Variants in CTBP1 observed in about 807,000 individuals in gnomAD.
CTBP1 encodes C-terminal-binding protein 1.
A neutral mutation model predicts 42.1 loss-of-function variants in CTBP1; 11 were observed. That is an observed-to-expected ratio of 0.26 (90% CI 0.16 to 0.43). The LOEUF is 0.43. Ranked by LOEUF, CTBP1 falls within the 20% of genes least tolerant of loss-of-function variation. The pLI, the probability that CTBP1 is intolerant of heterozygous loss-of-function variation, is 1.00. For synonymous variants in CTBP1, 324 were observed against 277.1 expected, an observed-to-expected ratio of 1.17 and a Z score of -1.68; for missense variants, 399 against 624.3, an observed-to-expected ratio of 0.64 and a Z score of 3.85.
chr4:1,232,071 T>C (rs1731021055), intron 3 of CTBP1, among the ~76,000 whole-genome samples: 1 of 152,264 alleles, frequency 6.6e-6, no homozygotes, highest in South Asian at 2.1e-4. Flanking sequence ...CATTTACTTA[T>C]TTTACAGACA....
At chr4:1,242,980 T>C in intron 1 of CTBP1, 2 of 985,020 alleles carry the variant, frequency 2.0e-6, no homozygotes, top group Non-Finnish European at 2.4e-6. Context: ...CGCCAACCGA[T>C]ACTCATCAAT....
chr4:1,244,317 G>A (rs891754295), intron 1 of CTBP1: 34 of 980,924 alleles, frequency 3.5e-5, no homozygotes, highest in Middle Eastern at 5.2e-4. Context: ...GCTGGGACCT[G>A]CCCCGATCCA....
At chr4:1,228,504 C>T (rs1278139406) in intron 3 of CTBP1, among the ~76,000 whole-genome samples, 161 bp from the exon 4 acceptor site, 2 of 152,240 alleles carry the variant, frequency 1.3e-5, no homozygotes, top group Admixed American at 6.5e-5. Context: ...AAGGCTTCCC[C>T]GCCACGCGCG....
In CTBP1 at chr4:1,222,221, G is replaced by A. The variant is rs147433166; in HGVS notation, c.514+3139C>T. ...AAGGGCGAGGGGCGGGGCGGGGGAC[G>A]GGACGCAGGTGTTCTGCAGTCAAGG... is the stretch of plus-strand genomic sequence containing the variant. On this transcript the variant is annotated intron_variant, in intron 5 of 9. Transcript: ENST00000382952. Among the ~76,000 whole-genome samples the A allele has an allele frequency of 6.1e-3, 933 of 152,132 alleles. 11 individuals are homozygous for A. The highest frequency in any genetic ancestry group is 0.02 in the African/African-American group (821 of 41,490).
intron 2 of CTBP1, 60 bp downstream of exon 2, chr4:1,241,265 A>C: frequency 1.3e-6 from 1 of 784,458 alleles, no homozygotes; most frequent in South Asian, 1.3e-5. Context: ...CCTCCTCCAC[A>C]CGGTCGCAAA....
At chr4:1,220,904 C>G (rs1000510397) in intron 5 of CTBP1, among the ~76,000 whole-genome samples, 4 of 152,184 alleles carry the variant, frequency 2.6e-5, no homozygotes, top group Non-Finnish European at 4.4e-5. Context: ...CCCGGATGAC[C>G]CTGGGGTAAA....
At position 1,243,259 on chromosome 4, in the gene CTBP1, G is replaced by T. The variant is rs559591175; in HGVS notation, c.-188-1740C>A. ...AGTACGTGCCCACACCTGTGTCTCT[G>T]AGGAAGAAGCAGATGTGTGAAGGCC... is the stretch of plus-strand genomic sequence containing the variant. On this transcript the variant is annotated intron_variant, in intron 1 of 9. Coordinates refer to ENST00000382952, the MANE Select transcript of CTBP1 (RefSeq NM_001012614.2). 866 of 985,412 alleles carry T rather than the reference G, an allele frequency of 8.8e-4. 33 individuals carry two copies. In the East Asian group the frequency reaches 0.068, roughly 78 times the overall value. 61.0% of individuals were successfully genotyped at this position (985,412 alleles called of 1,614,324 possible).
At chr4:1,236,985 C>G (rs557276158) in intron 3 of CTBP1, 3 of 672,492 alleles carry the variant, frequency 4.5e-6, no homozygotes, top group Non-Finnish European at 8.1e-6. Flanking sequence ...TCAGGAGAAA[C>G]CGAGCGTCCA....
chr4:1,248,978 G>A lies in CTBP1; in HGVS notation c.-251C>T, dbSNP rs1399409802. 18 of 986,514 alleles carry A rather than the reference G, an allele frequency of 1.8e-5. No homozygotes were observed. The highest frequency in any genetic ancestry group is 1.6e-4 in the South Asian group (4 of 25,000). The allele number at this position is 986,514 out of a possible 1,614,324, so 61.1% of individuals were successfully genotyped here. On this transcript the variant is annotated 5_prime_UTR_variant, in exon 1 of 10. Coordinates refer to ENST00000382952, the MANE Select transcript of CTBP1 (RefSeq NM_001012614.2). Reference sequence around the variant, plus strand: ...CATCGAGAGGCGCGAGCGGCCGCGGGCCCCGACCACTCCGGCGCGCTGCGC... The same window carrying A: ...CATCGAGAGGCGCGAGCGGCCGCGGACCCCGACCACTCCGGCGCGCTGCGC...
intron 3 of CTBP1, among the ~76,000 whole-genome samples, chr4:1,229,994 G>A (rs951043607): frequency 6.6e-6 from 1 of 152,172 alleles, no homozygotes; most frequent in Non-Finnish European, 1.5e-5. Flanking sequence ...AGGAGGCAGG[G>A]AGGCATCTAC....
At chr4:1,237,292 G>C in intron 3 of CTBP1, 2 of 668,574 alleles carry the variant, frequency 3.0e-6, no homozygotes, top group South Asian at 1.5e-5. Context: ...GGAAAACCCG[G>C]TGTCCACCTC....
chr4:1,213,342 TG>T, intron 8 of CTBP1, 135 bp downstream of exon 8: 2 of 1,392,250 alleles, frequency 1.4e-6, no homozygotes, highest in Middle Eastern at 2.5e-4. Context: ...AGGTCCCTGC[TG>T]GGGGTGCAGT....
chr4:1,227,508 G>A (rs953290794), intron 4 of CTBP1, among the ~76,000 whole-genome samples: 3 of 149,920 alleles, frequency 2.0e-5, no homozygotes, highest in African/African-American at 7.4e-5. Flanking sequence ...GGGTGCAGAT[G>A]AGTGTGCGTG....
rs748609943 is a variant in CTBP1 at position 1,212,284 on chromosome 4, C to T, written c.1246G>A (p.Val416Ile). 8.4e-5 allele frequency: 85 copies of T among 1,008,162 alleles called. No homozygotes were observed. In the East Asian group the frequency reaches 1.2e-3, roughly 14 times the overall value. 62.5% of individuals were successfully genotyped at this position (1,008,162 alleles called of 1,614,324 possible). Reference sequence around the variant, plus strand: ...TGGTCTCTATCCGCCTCGGGCTTGACGGTTTGGCCAGGAGAAGGGGCGTGG... The same window carrying T: ...TGGTCTCTATCCGCCTCGGGCTTGATGGTTTGGCCAGGAGAAGGGGCGTGG... Reference protein sequence around the residue: ...PPHAPSPGQTVKPEADRDHAS... With the variant: ...PPHAPSPGQTIKPEADRDHAS... Residue 416 changes from valine to isoleucine, a missense_variant, in exon 10 of 10, where the codon GTC becomes ATC. By Grantham distance (29) the Val-to-Ile change is conservative. Coordinates refer to ENST00000382952, the MANE Select transcript of CTBP1 (RefSeq NM_001012614.2).
intron 3 of CTBP1, among the ~76,000 whole-genome samples, chr4:1,229,155 C>A (rs1018081026): frequency 6.6e-6 from 1 of 152,182 alleles, no homozygotes; most frequent in Non-Finnish European, 1.5e-5. Context: ...CTCCCAGTTA[C>A]CCCCAGCCCA....
intron 3 of CTBP1, among the ~76,000 whole-genome samples, chr4:1,231,343 C>T (rs1326357710): frequency 6.6e-6 from 1 of 152,222 alleles, no homozygotes; most frequent in African/African-American, 2.4e-5. Context: ...CCCTTTAGAT[C>T]GGGGCCCAGC....
intron 4 of CTBP1, 58 bp downstream of exon 4, chr4:1,228,141 G>A (rs910337129): frequency 4.4e-6 from 7 of 1,595,658 alleles, no homozygotes; most frequent in Admixed American, 1.7e-5. Context: ...CATGGACGAA[G>A]CAAGACGGGA....
At chr4:1,250,344 C>A, upstream of CTBP1, 1 of 277,870 alleles carries the variant, frequency 3.6e-6, no homozygotes, top group Non-Finnish European at 7.3e-6. Context: ...TGGAGGAAAC[C>A]TGGCAGGTGT....
At chr4:1,228,027 A>G (rs1232200639) in intron 4 of CTBP1, among the ~76,000 whole-genome samples, 172 bp downstream of exon 4, 1 of 152,158 alleles carries the variant, frequency 6.6e-6, no homozygotes, top group Non-Finnish European at 1.5e-5. Context: ...TCTGTGAGGA[A>G]CTGAATGGCT....
Sources: allele counts gnomAD v4.1 joint callset (sites outside exome capture counted in the v4.1 genomes callset), GRCh38; gene constraint gnomAD v4.1.1; transcripts MANE v1.5; gene names NCBI Gene and HGNC (gene_info 2026-07-23, HGNC 2026-07-21).